PHACTR1: variants seen among roughly 807,000 people sequenced by gnomAD.
PHACTR1 encodes RPEL repeat containing 1.
PHACTR1 carries 16 observed loss-of-function variants against 69.2 expected under a neutral mutation model. The ratio of observed to expected loss-of-function variants is 0.23; its 90% CI spans 0.16 to 0.35. The LOEUF is 0.35. PHACTR1 is among the 10% of genes least tolerant of loss of function. The probability of loss-of-function intolerance (pLI) is 1.00; values close to 1 mark genes in which losing one functional copy is unlikely to be tolerated. For synonymous variants in PHACTR1, 312 were observed against 284.5 expected (o/e 1.10, Z -0.97); for missense variants, 510 against 734.7 (o/e 0.69, Z 3.54).
At chr6:13,203,256 C>T (rs1765467145) in intron 7 of PHACTR1, among the ~76,000 whole-genome samples, 1 of 152,130 alleles carries the variant, frequency 6.6e-6, no homozygotes, top group African/African-American at 2.4e-5. Flanking sequence ...GGTCACTGAA[C>T]AAGATGCTGA....
At chr6:13,189,336 A>C (rs1763201489) in intron 7 of PHACTR1, among the ~76,000 whole-genome samples, 1 of 151,584 alleles carries the variant, frequency 6.6e-6, no homozygotes, top group Admixed American at 6.6e-5. Context: ...ATTTTTTTTG[A>C]CTCCAGAATC....
intron 5 of PHACTR1, among the ~76,000 whole-genome samples, chr6:13,080,750 A>G (rs908254306): frequency 2.6e-5 from 4 of 152,166 alleles, no homozygotes; most frequent in South Asian, 4.1e-4. Context: ...AGGAAAATAT[A>G]AAAAGAAAAC....
chr6:12,978,267 C>T (rs372438725), intron 4 of PHACTR1, among the ~76,000 whole-genome samples: 32 of 152,314 alleles, frequency 2.1e-4, no homozygotes, highest in African/African-American at 7.0e-4. Context: ...AGTGCAAATT[C>T]TCTCTCCCTG....
intron 4 of PHACTR1, among the ~76,000 whole-genome samples, chr6:12,980,075 A>G (rs554040259): frequency 2.6e-5 from 4 of 152,334 alleles, no homozygotes; most frequent in African/African-American, 9.6e-5. Context: ...AGCTGATGAC[A>G]TAATTAGGAG....
rs185559362 is a variant in PHACTR1, at chr6:12,935,603, T to C, written c.251-117762T>C. On this transcript the variant is annotated intron_variant, in intron 4 of 14. Coordinates refer to ENST00000332995, the MANE Select transcript of PHACTR1 (RefSeq NM_030948.6). ...GAAAATAGCATCTCAGACAGTGACATAGTATGTTATTTATGGTATGCCCAC... is the reference window on the plus strand; with the variant it reads ...GAAAATAGCATCTCAGACAGTGACACAGTATGTTATTTATGGTATGCCCAC... Among the ~76,000 whole-genome samples, 4 of 151,720 alleles carry C rather than the reference T, an allele frequency of 2.6e-5. No homozygotes were observed. In the East Asian group the frequency reaches 5.8e-4, roughly 22 times the overall value.
chr6:12,951,525 A>G (rs1791293638), intron 4 of PHACTR1, among the ~76,000 whole-genome samples: 1 of 152,234 alleles, frequency 6.6e-6, no homozygotes, highest in Non-Finnish European at 1.5e-5. Flanking sequence ...AGGCTCTCAG[A>G]GGGTAAAGTA....
chr6:13,228,728 A>G (rs1235057001), intron 9 of PHACTR1, among the ~76,000 whole-genome samples: 1 of 152,100 alleles, frequency 6.6e-6, no homozygotes, highest in Non-Finnish European at 1.5e-5. Context: ...CCTACATCTC[A>G]CAACAACCCT....
Position 13,246,774 on chromosome 6 carries a change from T to C in PHACTR1, c.1391+16581T>C, listed in dbSNP as rs202026. Among the ~76,000 whole-genome samples the C allele has an allele frequency of 0.069, 10,506 of 152,262 alleles. 680 individuals are homozygous for C. Among genetic ancestry groups the C allele is most frequent in the Admixed American group, 0.22 (3,312 of 15,282 alleles). ...CAGAACGAGATTACAACTGAGAAAT[T>C]TGCAGTACAGTTGTTCTTCACGTGT... On this transcript the variant is annotated intron_variant, in intron 10 of 14. Coordinates refer to ENST00000332995, the MANE Select transcript of PHACTR1 (RefSeq NM_030948.6). The surrounding 1 kb of genome is among the most constrained non-coding windows in gnomAD (Gnocchi z 4.2).
chr6:12,977,675 G>A (rs1345912999), intron 4 of PHACTR1, among the ~76,000 whole-genome samples: 1 of 152,182 alleles, frequency 6.6e-6, no homozygotes, highest in Non-Finnish European at 1.5e-5. Context: ...CACTAATGGG[G>A]AAAGGTGATG....
At chr6:13,133,495 C>T (rs1271693302) in intron 5 of PHACTR1, among the ~76,000 whole-genome samples, 1 of 152,024 alleles carries the variant, frequency 6.6e-6, no homozygotes, top group Non-Finnish European at 1.5e-5. Context: ...CGGGGTTTCG[C>T]CGTGTTGGCC....
chr6:13,257,179 G>A (rs550263009), intron 10 of PHACTR1, among the ~76,000 whole-genome samples: 12 of 152,178 alleles, frequency 7.9e-5, no homozygotes, highest in African/African-American at 2.9e-4. Flanking sequence ...GGCAGGAGCA[G>A]GAGCAAGAGA....
At chr6:13,194,241 A>C (rs1223560630) in intron 7 of PHACTR1, among the ~76,000 whole-genome samples, 1 of 152,068 alleles carries the variant, frequency 6.6e-6, no homozygotes, top group African/African-American at 2.4e-5. Context: ...TGTCTTTACT[A>C]AAAATACAAA....
intron 6 of PHACTR1, among the ~76,000 whole-genome samples, chr6:13,175,920 A>G (rs375634607): frequency 1.7e-4 from 26 of 152,072 alleles, no homozygotes; most frequent in African/African-American, 6.0e-4. Context: ...CAGCCCACCA[A>G]CTGGGAAAGT....
intron 4 of PHACTR1, among the ~76,000 whole-genome samples, chr6:12,971,693 C>A (rs1199698761): frequency 6.6e-6 from 1 of 152,120 alleles, no homozygotes; most frequent in Non-Finnish European, 1.5e-5. Flanking sequence ...GTAGTGATGG[C>A]AATTCTGCAC....
chr6:13,102,829 A>G (rs543277064), intron 5 of PHACTR1, among the ~76,000 whole-genome samples: 1 of 152,324 alleles, frequency 6.6e-6, no homozygotes, highest in Admixed American at 6.5e-5. Context: ...ATGTTGCATT[A>G]TGTTATTCAT....
At chr6:12,916,088 A>T (rs956436539) in intron 4 of PHACTR1, among the ~76,000 whole-genome samples, 1 of 152,176 alleles carries the variant, frequency 6.6e-6, no homozygotes, top group African/African-American at 2.4e-5. Flanking sequence ...ATACATTGGT[A>T]TCTCTGCCTG....
chr6:12,993,705 G>A (rs915539656), intron 4 of PHACTR1, among the ~76,000 whole-genome samples: 1 of 152,226 alleles, frequency 6.6e-6, no homozygotes, highest in Non-Finnish European at 1.5e-5. Flanking sequence ...GTAGAGGCAG[G>A]AAATTCCCTA....
intron 4 of PHACTR1, among the ~76,000 whole-genome samples, chr6:12,979,718 AC>A (rs1795285541): frequency 8.1e-6 from 1 of 123,512 alleles, no homozygotes; most frequent in Non-Finnish European, 1.7e-5. Context: ...AAAGAAAATG[AC>A]CCCCTCCTCC....
At chr6:13,011,897 A>G (rs1341066397) in intron 4 of PHACTR1, among the ~76,000 whole-genome samples, 2 of 152,222 alleles carry the variant, frequency 1.3e-5, no homozygotes, top group African/African-American at 4.8e-5. Flanking sequence ...CAACCAGTAT[A>G]ACAAACAGGT....
Sources: allele counts gnomAD v4.1 joint callset (sites outside exome capture counted in the v4.1 genomes callset), GRCh38; gene constraint gnomAD v4.1.1; non-coding constraint Gnocchi (gnomAD v3.1); transcripts MANE v1.5; gene names NCBI Gene and HGNC (gene_info 2026-07-23, HGNC 2026-07-21).